Variants in GTF2E2 observed in about 807,000 individuals in gnomAD.
GTF2E2 encodes the protein general transcription factor IIE subunit 2, also known as transcription initiation factor IIE subunit beta.
Under a neutral mutation model 40.5 loss-of-function variants are expected in GTF2E2, and 21 were observed. That is an observed-to-expected ratio of 0.52 (90% CI 0.37 to 0.75). GTF2E2 has a LOEUF of 0.75. GTF2E2 is among the 30% of genes least tolerant of loss of function. The pLI is 0.00. For synonymous variants in GTF2E2, 117 were observed against 121.6 expected (o/e 0.96, Z 0.25); for missense variants, 298 against 338.4 (o/e 0.88, Z 0.94).
At chr8:30,621,187 A>C (rs1801090211) in intron 3 of GTF2E2, among the ~76,000 whole-genome samples, 1 of 152,108 alleles carries the variant, frequency 6.6e-6, no homozygotes, top group Non-Finnish European at 1.5e-5. Flanking sequence ...AAATTACCAA[A>C]AGGCCAACCT....
intron 6 of GTF2E2, among the ~76,000 whole-genome samples, chr8:30,604,301 A>G (rs1829261503): frequency 6.6e-6 from 1 of 152,194 alleles, no homozygotes; most frequent in Non-Finnish European, 1.5e-5. Context: ...AGGGTGGTTA[A>G]ATATTAAGAA....
chr8:30,628,343 A>G (rs574562044), intron 3 of GTF2E2, among the ~76,000 whole-genome samples: 17 of 152,212 alleles, frequency 1.1e-4, no homozygotes, highest in Non-Finnish European at 2.5e-4. Flanking sequence ...GTAGGGAGCA[A>G]CCACACACAC....
intron 3 of GTF2E2, among the ~76,000 whole-genome samples, chr8:30,623,068 T>G (rs2151137305): frequency 6.6e-6 from 1 of 152,204 alleles, no homozygotes; most frequent in South Asian, 2.1e-4. Flanking sequence ...GGGGAAGTGA[T>G]AAGTGCCCAT....
chr8:30,620,259 A>ACGCACAC (rs1372902294), intron 3 of GTF2E2, among the ~76,000 whole-genome samples: 1 of 52,944 alleles, frequency 1.9e-5, no homozygotes, highest in Non-Finnish European at 4.5e-5. Context: ...CACACACACA[A>ACGCACAC]ACACACACAC....
At chr8:30,616,447 A>G (rs2151131936) in intron 3 of GTF2E2, among the ~76,000 whole-genome samples, 1 of 151,970 alleles carries the variant, frequency 6.6e-6, no homozygotes, top group African/African-American at 2.4e-5. Flanking sequence ...AAATAAATAA[A>G]TAATTTTAAA....
At chr8:30,600,059 A>G (rs1000061362) in intron 6 of GTF2E2, among the ~76,000 whole-genome samples, 2 of 152,228 alleles carry the variant, frequency 1.3e-5, no homozygotes, top group African/African-American at 2.4e-5. Flanking sequence ...TAGCTACTAT[A>G]AGAATCCTGA....
In GTF2E2 at chr8:30,595,552, G is replaced by A. The variant is rs528186654; in HGVS notation, c.643+11505C>T. 5.9e-5 allele frequency among the ~76,000 whole-genome samples: 9 copies of A among 152,168 alleles called. No individual in the cohort carries two copies. The East Asian group carries it at 1.4e-3, about 23-fold the overall frequency. On this transcript the variant is annotated intron_variant, in intron 6 of 7. Coordinates refer to ENST00000355904, the MANE Select transcript of GTF2E2 (RefSeq NM_002095.6). ...TCATTTCTGAAAGATTATTTTTGCC[G>A]GATGCAGTTGCTCACACCCGTAATC... is the stretch of plus-strand genomic sequence containing the variant.
chr8:30,644,587 CA>C (rs144571597), intron 2 of GTF2E2: 8,815 of 152,234 alleles, frequency 0.058, 327 homozygotes, highest in Non-Finnish European at 0.083. Context: ...GAAGAATCCA[CA>C]AGGCTAATGA....
At chr8:30,606,705 T>G (rs1169149390) in intron 6 of GTF2E2, among the ~76,000 whole-genome samples, 3 of 152,186 alleles carry the variant, frequency 2.0e-5, no homozygotes, top group Admixed American at 6.5e-5. Context: ...CAATAAAAGT[T>G]TATTCTTTTT....
chr8:30,631,047 C>A (rs1024413391), intron 3 of GTF2E2, among the ~76,000 whole-genome samples: 1 of 151,774 alleles, frequency 6.6e-6, no homozygotes, highest in African/African-American at 2.4e-5. Flanking sequence ...TTTTTATTAG[C>A]GACAAGGTCT....
rs187849048 is a variant in GTF2E2, at chr8:30,644,011, T to C, written c.167-8888A>G. Among the ~76,000 whole-genome samples, 68 of 152,342 alleles carry C rather than the reference T, an allele frequency of 4.5e-4. 1 individual carries two copies. The highest frequency in any genetic ancestry group is 1.6e-3 in the African/African-American group (67 of 41,596). On this transcript the variant is annotated intron_variant, in intron 2 of 7. Transcript: ENST00000355904. ...GCATACAGAATGACAACCGATAAAT[T>C]AATGAAGTAGAACTACATTTTTTCT...
At chr8:30,637,286 G>C (rs577120726) in intron 2 of GTF2E2, 1 of 456,172 alleles carries the variant, frequency 2.2e-6, no homozygotes, top group South Asian at 1.5e-5. Flanking sequence ...TATGAAAAAA[G>C]AGATGACAAT....
chr8:30,604,923 A>G (rs566801440), intron 6 of GTF2E2, among the ~76,000 whole-genome samples: 16 of 152,358 alleles, frequency 1.1e-4, no homozygotes, highest in African/African-American at 3.8e-4. Context: ...AACAGGAAAA[A>G]GCAAAGTTAA....
chr8:30,583,233 C>T (rs1278260028), intron 6 of GTF2E2, among the ~76,000 whole-genome samples: 1 of 152,150 alleles, frequency 6.6e-6, no homozygotes, highest in Admixed American at 6.5e-5. Context: ...ACTCAGAAGG[C>T]TGAGGCAGGA....
intron 4 of GTF2E2, among the ~76,000 whole-genome samples, chr8:30,613,695 G>A (rs953161207): frequency 6.6e-6 from 1 of 152,122 alleles, no homozygotes; most frequent in Non-Finnish European, 1.5e-5. Flanking sequence ...CATTATAAAA[G>A]TCAAGACCTG....
At chr8:30,602,260 G>A (rs989550652) in intron 6 of GTF2E2, among the ~76,000 whole-genome samples, 4 of 151,938 alleles carry the variant, frequency 2.6e-5, no homozygotes, top group African/African-American at 4.8e-5. Flanking sequence ...TCAAGTGATC[G>A]CCTAAGGCAG....
intron 1 of GTF2E2, among the ~76,000 whole-genome samples, 192 bp from the exon 2 acceptor site, chr8:30,653,794 G>C (rs1019058351): frequency 6.6e-6 from 1 of 152,066 alleles, no homozygotes; most frequent in Non-Finnish European, 1.5e-5. Flanking sequence ...GCCAAGCACT[G>C]TACTAGCCAT....
intron 3 of GTF2E2, among the ~76,000 whole-genome samples, chr8:30,631,336 A>T (rs552472021): frequency 3.4e-4 from 51 of 152,164 alleles, no homozygotes; most frequent in Non-Finnish European, 5.7e-4. Context: ...AATATAAGTA[A>T]TTCTCAAAAC....
intron 2 of GTF2E2, among the ~76,000 whole-genome samples, chr8:30,639,970 T>C (rs1482647208): frequency 6.6e-6 from 1 of 152,082 alleles, no homozygotes; most frequent in Non-Finnish European, 1.5e-5. Flanking sequence ...TCAGATAAAA[T>C]AAAAATAACT....
Sources: gnomAD v4.1 joint callset for allele counts (sites outside exome capture counted in the v4.1 genomes callset) on GRCh38, gnomAD v4.1.1 for gene constraint, MANE v1.5 for transcripts, NCBI Gene and HGNC (gene_info 2026-07-23, HGNC 2026-07-21) for gene names.